The following SLC9A9 variants were observed in gnomAD, a reference collection of about 807,000 sequenced individuals.
SLC9A9 encodes the protein sodium/hydrogen exchanger 9.
Under a neutral mutation model 77.8 loss-of-function variants are expected in SLC9A9, and 62 were observed. That is an observed-to-expected ratio of 0.80 (90% CI 0.65 to 0.98). The LOEUF (loss-of-function observed/expected upper bound fraction) is 0.98. Ranked by LOEUF, SLC9A9 falls within the 50% of genes least tolerant of loss-of-function variation. SLC9A9 has a pLI of 0.00. For synonymous variants in SLC9A9, 320 were observed against 283.5 expected (o/e 1.13, Z -1.29); for missense variants, 775 against 774.9 (o/e 1.00, Z 0.00).
chr3:143,640,544 C>T (rs535875035), intron 6 of SLC9A9, among the ~76,000 whole-genome samples: 24 of 152,216 alleles, frequency 1.6e-4, no homozygotes, highest in Middle Eastern at 3.4e-3. Context: ...GAAGACAGAA[C>T]TACCTCCTCC....
chr3:143,492,722 G>A (rs1429289570), intron 11 of SLC9A9, among the ~76,000 whole-genome samples: 1 of 152,158 alleles, frequency 6.6e-6, no homozygotes. Flanking sequence ...AAAATAGTGA[G>A]TGGCAAATAG....
chr3:143,696,008 G>A (rs184837098), intron 4 of SLC9A9, among the ~76,000 whole-genome samples: 66 of 144,002 alleles, frequency 4.6e-4, no homozygotes, highest in African/African-American at 1.7e-3. Context: ...GTTATTTCTT[G>A]TAAATTTGTT....
intron 9 of SLC9A9, among the ~76,000 whole-genome samples, chr3:143,520,350 T>C (rs1162170873): frequency 6.6e-6 from 1 of 152,180 alleles, no homozygotes; most frequent in Non-Finnish European, 1.5e-5. Flanking sequence ...ACCTGTCCTC[T>C]GTCCATCATG....
chr3:143,310,990 G>A (rs2030997835), intron 14 of SLC9A9, among the ~76,000 whole-genome samples: 1 of 152,198 alleles, frequency 6.6e-6, no homozygotes, highest in South Asian at 2.1e-4. Flanking sequence ...CGCCCAGAAA[G>A]GTCAAGTTAC....
Position 143,330,158 on chromosome 3 carries a change from A to T in SLC9A9, c.1604+33326T>A, listed in dbSNP as rs142794894. ...GCCGGCCAGAGCAATCGGCAGGAGC[A>T]GTGAAGAGGAGATCATTTTAAAGCA... On this transcript the variant is annotated intron_variant, in intron 14 of 15. Transcript: ENST00000316549. Among the ~76,000 whole-genome samples, 461 of 152,312 alleles carry T rather than the reference A, an allele frequency of 3.0e-3. 1 individual carries two copies. The highest frequency in any genetic ancestry group is 4.7e-3 in the Non-Finnish European group (319 of 68,024).
intron 14 of SLC9A9, among the ~76,000 whole-genome samples, chr3:143,278,356 A>G (rs1938115569): frequency 6.6e-6 from 1 of 152,016 alleles, no homozygotes; most frequent in Non-Finnish European, 1.5e-5. Flanking sequence ...TTATGCCTAG[A>G]TTTTTCTCAT....
At chr3:143,627,264 A>C (rs2038346262) in intron 6 of SLC9A9, 1 of 162,704 alleles carries the variant, frequency 6.1e-6, no homozygotes, top group Non-Finnish European at 1.4e-5. Flanking sequence ...AACTTGCACA[A>C]GTAGTCATTG....
intron 2 of SLC9A9, among the ~76,000 whole-genome samples, chr3:143,825,296 G>A (rs1047785208): frequency 6.6e-6 from 1 of 151,812 alleles, no homozygotes; most frequent in Non-Finnish European, 1.5e-5. Context: ...TGGCCTTATT[G>A]AAGCTCAAGT....
At chr3:143,388,556 T>A (rs2033481161) in intron 12 of SLC9A9, among the ~76,000 whole-genome samples, 1 of 152,188 alleles carries the variant, frequency 6.6e-6, no homozygotes, top group Admixed American at 6.5e-5. Flanking sequence ...AATGAGTTAA[T>A]AAAATACATA....
intron 14 of SLC9A9, among the ~76,000 whole-genome samples, chr3:143,322,149 T>C (rs1159648586): frequency 6.6e-6 from 1 of 152,238 alleles, no homozygotes; most frequent in Non-Finnish European, 1.5e-5. Context: ...ATGTATTAAC[T>C]TGACAGGGAC....
intron 12 of SLC9A9, among the ~76,000 whole-genome samples, chr3:143,416,697 G>A (rs1361709234): frequency 1.3e-5 from 2 of 152,118 alleles, no homozygotes; most frequent in Non-Finnish European, 2.9e-5. Flanking sequence ...GGTTTATTGT[G>A]ATATTCACTT....
chr3:143,460,426 C>CT (rs79384361), intron 12 of SLC9A9, among the ~76,000 whole-genome samples: 42,049 of 150,180 alleles, frequency 0.28, 6,004 homozygotes, highest in East Asian at 0.49. Flanking sequence ...TTCAAAATCA[C>CT]TTTTTTTTTT....
At chr3:143,355,366 T>C (rs4839623) in intron 14 of SLC9A9, among the ~76,000 whole-genome samples, 18,896 of 152,244 alleles carry the variant, frequency 0.12, 1,295 homozygotes, top group East Asian at 0.17. Context: ...TAATAATACA[T>C]GTAATGAGCA....
At chr3:143,317,334 T>A (rs1276125484) in intron 14 of SLC9A9, among the ~76,000 whole-genome samples, 1 of 151,826 alleles carries the variant, frequency 6.6e-6, no homozygotes, top group East Asian at 1.9e-4. Context: ...GAGCTACTGC[T>A]CCTGCACAAC....
At chr3:143,395,131 G>A (rs924673676) in intron 12 of SLC9A9, among the ~76,000 whole-genome samples, 23 of 152,208 alleles carry the variant, frequency 1.5e-4, no homozygotes, top group African/African-American at 2.4e-4. Context: ...AAAAGAGCCC[G>A]CATTGCCAAG....
chr3:143,840,593 AAT>A (rs2009682362), intron 1 of SLC9A9, among the ~76,000 whole-genome samples: 1 of 152,204 alleles, frequency 6.6e-6, no homozygotes, highest in South Asian at 2.1e-4. Flanking sequence ...CCAGCTACTT[AAT>A]ATGGATGTAT....
chr3:143,723,538 A>G (rs111539318), intron 4 of SLC9A9, among the ~76,000 whole-genome samples: 3,234 of 152,302 alleles, frequency 0.021, 55 homozygotes, highest in South Asian at 0.035. Context: ...TTTTAGCCAG[A>G]AGGCAAGACT....
chr3:143,388,871 T>C (rs544411394), intron 12 of SLC9A9, among the ~76,000 whole-genome samples: 1 of 152,348 alleles, frequency 6.6e-6, no homozygotes, highest in African/African-American at 2.4e-5. Context: ...CTGATCAAGA[T>C]GAGCTATGGA....
chr3:143,377,873 A>T (rs777098574), intron 13 of SLC9A9, among the ~76,000 whole-genome samples: 3 of 152,072 alleles, frequency 2.0e-5, no homozygotes, highest in Non-Finnish European at 4.4e-5. Flanking sequence ...ATCCGCTCCC[A>T]CCTTGCTTAC....
Sources: allele counts gnomAD v4.1 joint callset (sites outside exome capture counted in the v4.1 genomes callset), GRCh38; gene constraint gnomAD v4.1.1; transcripts MANE v1.5; gene names NCBI Gene and HGNC (gene_info 2026-07-23, HGNC 2026-07-21).